Variants in DUSP16 observed in about 807,000 individuals in gnomAD.
DUSP16 encodes dual specificity protein phosphatase 16.
A neutral mutation model predicts 58.3 loss-of-function variants in DUSP16; 21 were observed. The ratio of observed to expected loss-of-function variants is 0.36; its 90% CI spans 0.26 to 0.52. DUSP16 has a LOEUF of 0.52. Among genes scored for constraint, DUSP16 ranks in the 20% least tolerant of loss-of-function variants. DUSP16 has a pLI of 0.94. For synonymous variants in DUSP16, 320 were observed against 323.8 expected (o/e 0.99, Z 0.12); for missense variants, 726 against 819.0 (o/e 0.89, Z 1.39).
In DUSP16 at chr12:12,489,745, A is replaced by G. The variant is rs546336959; in HGVS notation, c.532-2558T>C. Among the ~76,000 whole-genome samples, 14 of 152,378 alleles carry G rather than the reference A, an allele frequency of 9.2e-5. No homozygotes were observed. The East Asian group carries it at 2.3e-3, about 25-fold the overall frequency. On this transcript the variant is annotated intron_variant, in intron 4 of 6. Transcript: ENST00000298573. ...AAAATTGATTTTCCATAGAAAAAAT[A>G]CGATGTACACTTCTGACAAGTAAAC...
chr12:12,493,133 C>T (rs1325687862), intron 4 of DUSP16, among the ~76,000 whole-genome samples: 1 of 152,184 alleles, frequency 6.6e-6, no homozygotes, highest in Non-Finnish European at 1.5e-5. Context: ...ATTCATACAT[C>T]CATCTGTCTA....
intron 1 of DUSP16, among the ~76,000 whole-genome samples, chr12:12,531,356 G>C (rs1235778879): frequency 1.3e-5 from 2 of 152,118 alleles, no homozygotes; most frequent in African/African-American, 2.4e-5. Context: ...AAATTAGAAT[G>C]CTGAACTACA....
intron 3 of DUSP16, among the ~76,000 whole-genome samples, chr12:12,503,512 T>A (rs974477190): frequency 2.6e-5 from 4 of 152,112 alleles, no homozygotes; most frequent in African/African-American, 9.7e-5. Context: ...GATCAAACAT[T>A]CAGTATCTAG....
chr12:12,486,340 A>G (rs2136196507), intron 5 of DUSP16, among the ~76,000 whole-genome samples: 1 of 152,258 alleles, frequency 6.6e-6, no homozygotes, highest in Non-Finnish European at 1.5e-5. Flanking sequence ...AGCAGATCTG[A>G]TCCTGTGGCA....
Position 12,477,915 on chromosome 12 carries a change from C to A in DUSP16, c.916G>T (p.Gly306Trp). 6.2e-7 allele frequency: 1 copy of A among 1,614,168 alleles called. No homozygotes were observed. The change falls in exon 7 of 7, where the codon GGG becomes TGG. Residue 306 changes from glycine to tryptophan, a missense_variant. By Grantham distance (184) the Gly-to-Trp change is radical. Transcript: ENST00000298573. The surrounding 1 kb of genome is among the most constrained non-coding windows in gnomAD (Gnocchi z 4.1). ...KKIKNQTGAS[G>W]PKSKLKLLHL... ...AGCAGCTTGAGTTTGCTCTTTGGCC[C>A]TGATGCTCCAGTCTGGTTCTTAATC...
In DUSP16 at chr12:12,480,287, A is replaced by G; in HGVS notation, c.751T>C (p.Ser251Pro). The change falls in exon 6 of 7, where the codon TCC becomes CCC. Residue 251 changes from serine (S) to proline (P), a missense_variant. By Grantham distance (74) the Ser-to-Pro change is moderately conservative. Coordinates refer to ENST00000298573, the MANE Select transcript of DUSP16 (RefSeq NM_030640.3). ...ATGTAGGCGATAGCGATGGTGGCGG[A>G]GCGGGAGATCCCAGCTAAACAGTGC... is the stretch of plus-strand genomic sequence containing the variant. ...LVHCLAGISR[S>P]ATIAIAYIMK... 6.2e-7 allele frequency: 1 copy of G among 1,614,184 alleles called. No individual in the cohort carries two copies. Among genetic ancestry groups the G allele is most frequent in the Non-Finnish European group, 8.5e-7 (1 of 1,180,018 alleles).
chr12:12,512,554 T>G (rs1371937250), intron 3 of DUSP16, among the ~76,000 whole-genome samples: 1 of 152,202 alleles, frequency 6.6e-6, no homozygotes, highest in Non-Finnish European at 1.5e-5. Context: ...TAGATCCACA[T>G]GTGATACCAT....
chr12:12,499,674 G>C (rs1408424230), intron 4 of DUSP16, among the ~76,000 whole-genome samples: 2 of 152,252 alleles, frequency 1.3e-5, no homozygotes, highest in South Asian at 4.1e-4. Context: ...CCTTTGCATA[G>C]GAAAATAGCA....
intron 1 of DUSP16, among the ~76,000 whole-genome samples, chr12:12,534,136 C>A (rs1944431479): frequency 6.6e-6 from 1 of 152,160 alleles, no homozygotes; most frequent in African/African-American, 2.4e-5. Context: ...TGCAGGAGAC[C>A]CCTTTGGGGA....
At position 12,476,636 on chromosome 12, in the gene DUSP16, A is replaced by G. The variant is rs1436457214; in HGVS notation, c.*197T>C. ...AGCATCTGCCCTTCCATTTTTGTTG[A>G]GAGAAGTATTAGCTGATCTCTCAAA... On this transcript the variant is annotated 3_prime_UTR_variant, in exon 7 of 7. Transcript: ENST00000298573. 3 of 499,980 alleles carry G rather than the reference A, an allele frequency of 6.0e-6. No individual in the cohort carries two copies. Among genetic ancestry groups the G allele is most frequent in the Admixed American group, 7.6e-5 (2 of 26,488 alleles). The allele number at this position is 499,980 out of a possible 1,614,324, so 31.0% of individuals were successfully genotyped here.
At chr12:12,550,090 T>C (rs772469709) in intron 1 of DUSP16, among the ~76,000 whole-genome samples, 5 of 152,086 alleles carry the variant, frequency 3.3e-5, no homozygotes, top group Non-Finnish European at 7.4e-5. Context: ...CTGGCCAACA[T>C]GGTGAAACCC....
At chr12:12,497,369 C>T (rs1943844345) in intron 4 of DUSP16, among the ~76,000 whole-genome samples, 1 of 152,120 alleles carries the variant, frequency 6.6e-6, no homozygotes, top group South Asian at 2.1e-4. Context: ...TCCTTCGTAA[C>T]AGCCTGCTAT....
Position 12,521,326 on chromosome 12 carries a change from C to A in DUSP16, c.-228G>T. The stretch of plus-strand genomic sequence containing the variant: ...CTTGCAAAGGACTCCGTCCACAAAG[C>A]AGCCCCTCACATTTGATTCATAAAG... On this transcript the variant is annotated 5_prime_UTR_variant, in exon 2 of 7. Transcript: ENST00000298573. 7.1e-7 allele frequency: 1 copy of A among 1,403,508 alleles called. No homozygotes were observed. Among genetic ancestry groups the A allele is most frequent in the Non-Finnish European group, 9.3e-7 (1 of 1,080,086 alleles). The allele number at this position is 1,403,508 out of a possible 1,614,324, so 86.9% of individuals were successfully genotyped here.
intron 3 of DUSP16, among the ~76,000 whole-genome samples, chr12:12,518,527 A>AAAG (rs1944186770): frequency 6.6e-6 from 1 of 151,710 alleles, no homozygotes; most frequent in African/African-American, 2.4e-5. Context: ...AAAAAAAAAG[A>AAAG]AAAGAAAAAC....
In DUSP16 at chr12:12,476,841, C is replaced by T; in HGVS notation, c.1990G>A (p.Val664Ile). 5 of 1,601,756 alleles carry T rather than the reference C, an allele frequency of 3.1e-6. No individual in the cohort carries two copies. Among genetic ancestry groups the T allele is most frequent in the African/African-American group, 1.3e-5 (1 of 74,744 alleles). The change falls in exon 7 of 7, where the codon GTC (valine) becomes ATC (isoleucine). Residue 664 changes from valine to isoleucine, a missense_variant. By Grantham distance (29) the Val-to-Ile change is conservative (BLOSUM62 3). Transcript: ENST00000298573. Reference protein sequence around the residue: ...SFSGSMEIIEVS With the variant: ...SFSGSMEIIEIS ...CACAAGTGTCTTTCTTCTCAGGAGA[C>T]CTCAATGATTTCCATGCTGCCCGAA...
intron 1 of DUSP16, among the ~76,000 whole-genome samples, chr12:12,537,268 T>G (rs1944480768): frequency 6.6e-6 from 1 of 152,240 alleles, no homozygotes; most frequent in Admixed American, 6.5e-5. Context: ...TGAATTTTAA[T>G]ACACTATCAT....
At position 12,474,071 on chromosome 12, in the gene DUSP16, G is replaced by A. The variant is rs899046608; in HGVS notation, c.*2762C>T. On this transcript the variant is annotated 3_prime_UTR_variant, in exon 7 of 7. Coordinates refer to ENST00000298573, the MANE Select transcript of DUSP16 (RefSeq NM_030640.3). Reference sequence around the variant, plus strand: ...GTGTTCCATGTGAATGACAGAACACGGAATAAACCTGATGACACCACCACT... The same window carrying A: ...GTGTTCCATGTGAATGACAGAACACAGAATAAACCTGATGACACCACCACT... 6.6e-6 allele frequency: 1 copy of A among 152,196 alleles called. No homozygotes were observed. The highest frequency in any genetic ancestry group is 2.4e-5 in the African/African-American group (1 of 41,444). The allele number at this position is 152,196 out of a possible 1,614,324, so 9.4% of individuals were successfully genotyped here.
chr12:12,476,655 T>G lies in DUSP16; in HGVS notation c.*178A>C, dbSNP rs1565963886. ...TTGTTGAGAGAAGTATTAGCTGATC[T>G]CTCAAATGCAGATGTTAAGAGAGTA... On this transcript the variant is annotated 3_prime_UTR_variant, in exon 7 of 7. Transcript: ENST00000298573. 5 of 556,290 alleles carry G rather than the reference T, an allele frequency of 9.0e-6. No homozygotes were observed. The highest frequency in any genetic ancestry group is 1.2e-5 in the Non-Finnish European group (4 of 324,800). The allele number at this position is 556,290 out of a possible 1,614,324, so 34.5% of individuals were successfully genotyped here. A position where few individuals can be genotyped will look rare whatever the true frequency, so the allele number is the denominator to read the frequency against.
chr12:12,477,149 G>A lies in DUSP16; in HGVS notation c.1682C>T (p.Thr561Ile). The A allele has an allele frequency of 6.2e-7, 1 of 1,614,212 alleles. No homozygotes were observed. Among genetic ancestry groups the A allele is most frequent in the Non-Finnish European group, 8.5e-7 (1 of 1,180,034 alleles). The change falls in exon 7 of 7, where the codon ACA becomes ATA. Residue 561 changes from threonine to isoleucine, a missense_variant. Thr to Ile is a moderately conservative substitution (Grantham distance 89). Coordinates refer to ENST00000298573, the MANE Select transcript of DUSP16 (RefSeq NM_030640.3). The surrounding 1 kb of genome is among the most constrained non-coding windows in gnomAD (Gnocchi z 4.1). ...GGCAGAGTAGAAGTGTGAGGACTCTGTGGCAAAATACCAGCTGCTGGTCAG... is the reference window on the plus strand; with the variant it reads ...GGCAGAGTAGAAGTGTGAGGACTCTATGGCAAAATACCAGCTGCTGGTCAG... The part of the protein sequence containing the change: ...PSLTSSWYFA[T>I]ESSHFYSASA...
Sources: gnomAD v4.1 joint callset for allele counts (sites outside exome capture counted in the v4.1 genomes callset) on GRCh38, gnomAD v4.1.1 for gene constraint, Gnocchi (gnomAD v3.1) non-coding constraint, MANE v1.5 for transcripts, NCBI Gene and HGNC (gene_info 2026-07-23, HGNC 2026-07-21) for gene names.